FAM13C: variants seen among roughly 807,000 people sequenced by gnomAD.
FAM13C encodes family with sequence similarity 13 member C, also known as protein FAM13C.
Under a neutral mutation model 73.2 loss-of-function variants are expected in FAM13C, and 37 were observed. The observed-to-expected ratio is 0.51, with a 90% CI of 0.39 to 0.67. The LOEUF is 0.67. Among genes scored for constraint, FAM13C ranks in the 30% least tolerant of loss-of-function variants. FAM13C has a pLI of 0.00. For synonymous variants in FAM13C, 246 were observed against 260.9 expected, an observed-to-expected ratio of 0.94 and a Z score of 0.55; for missense variants, 589 against 715.6, an observed-to-expected ratio of 0.82 and a Z score of 2.02.
At chr10:59,262,274 C>T (rs895458548) in intron 10 of FAM13C, among the ~76,000 whole-genome samples, 160 bp downstream of exon 10, 1 of 152,154 alleles carries the variant, frequency 6.6e-6, no homozygotes, top group Admixed American at 6.6e-5. Context: ...TGTGGCACTA[C>T]TGCTCGTGGC....
intron 4 of FAM13C, among the ~76,000 whole-genome samples, chr10:59,314,701 T>A (rs1849320785): frequency 6.6e-6 from 1 of 152,076 alleles, no homozygotes; most frequent in African/African-American, 2.4e-5. Context: ...CACCCCCACT[T>A]AAATGGGTCT....
chr10:59,353,392 T>A (rs1400471540), intron 2 of FAM13C, among the ~76,000 whole-genome samples: 1 of 152,158 alleles, frequency 6.6e-6, no homozygotes, highest in Non-Finnish European at 1.5e-5. Context: ...ATAATCAATA[T>A]CATTAACCTT....
rs960628047 is a variant in FAM13C at position 59,302,881 on chromosome 10, A to C, written c.444-17T>G. 4 of 1,609,582 alleles carry C rather than the reference A, an allele frequency of 2.5e-6. No individual in the cohort carries two copies. Among genetic ancestry groups the C allele is most frequent in the Non-Finnish European group, 3.4e-6 (4 of 1,178,074 alleles). ...TGGTCTATTCTATAAAATACAAAGA[A>C]AAATTATTTCCATTTAAAAGAAACG... On this transcript the variant is annotated splice_polypyrimidine_tract_variant and intron_variant, in intron 4 of 13. Transcript: ENST00000618804.
chr10:59,253,032 T>C (rs1372523167), intron 11 of FAM13C, 34 bp from the exon 12 acceptor site: 24 of 1,605,478 alleles, frequency 1.5e-5, no homozygotes, highest in Non-Finnish European at 2.0e-5. Flanking sequence ...AAGAAAGTCA[T>C]GTAATGCTCA....
intron 4 of FAM13C, among the ~76,000 whole-genome samples, chr10:59,316,727 G>A (rs138909451): frequency 1.2e-3 from 190 of 152,194 alleles, no homozygotes; most frequent in African/African-American, 4.3e-3. Flanking sequence ...GCAAAAATAT[G>A]GTATTTTAAT....
At position 59,352,465 on chromosome 10, in the gene FAM13C, G is replaced by A. The variant is rs373237818; in HGVS notation, c.129C>T (p.Asn43=). ...CTGCGTCGGGGTAGTTCTCTTTATT[G>A]TTTTCATCTCTAAAACAGGAAAGAC... is the stretch of plus-strand genomic sequence containing the variant. The part of the protein sequence containing the change: ...QTDCSSLRDE[N]NKENYPDAGA... Residue 43 remains asparagine, a synonymous_variant, in exon 3 of 14, where the codon AAC becomes AAT. Transcript: ENST00000618804. The A allele has an allele frequency of 3.9e-5, 63 of 1,605,726 alleles. No homozygotes were observed. The highest frequency in any genetic ancestry group is 5.2e-5 in the Non-Finnish European group (61 of 1,176,806).
In FAM13C at chr10:59,333,350, C is replaced by T. The variant is rs374944710; in HGVS notation, c.325-9244G>A. Reference sequence around the variant, plus strand: ...AAAAATACAAAAAATTAGCCGGGCACGGTGGCACATGCCAGTAGTCCCAGC... The same window carrying T: ...AAAAATACAAAAAATTAGCCGGGCATGGTGGCACATGCCAGTAGTCCCAGC... On this transcript the variant is annotated intron_variant, in intron 3 of 13. Transcript: ENST00000618804. Among the ~76,000 whole-genome samples, 48 of 152,010 alleles carry T rather than the reference C, an allele frequency of 3.2e-4. 1 individual carries two copies. The South Asian group carries it at 8.3e-3, about 26-fold the overall frequency.
chr10:59,289,288 T>A (rs914872320), intron 5 of FAM13C, among the ~76,000 whole-genome samples: 5 of 152,094 alleles, frequency 3.3e-5, no homozygotes, highest in African/African-American at 1.2e-4. Context: ...GCAGCCCAGG[T>A]CCTAACAGGC....
intron 1 of FAM13C, among the ~76,000 whole-genome samples, chr10:59,360,524 G>A (rs1856265668): frequency 6.6e-6 from 1 of 152,128 alleles, no homozygotes; most frequent in Admixed American, 6.5e-5. Context: ...CCTTGGTCCT[G>A]AGGGCTATGG....
Position 59,283,363 on chromosome 10 carries a change from C to T in FAM13C, c.592G>A (p.Asp198Asn), listed in dbSNP as rs754794655. Residue 198 changes from aspartate (D) to asparagine (N), a missense_variant and splice_region_variant, in exon 6 of 14, where the codon GAC becomes AAC. Transcript: ENST00000618804. Reference sequence around the variant, plus strand: ...GACAACCCCCAGCCCTGTATCTTACCTGCAGAATCTGTCCCATCGGCAAGC... The same window carrying T: ...GACAACCCCCAGCCCTGTATCTTACTTGCAGAATCTGTCCCATCGGCAAGC... ...SVLADGTDSADPSPVHKDGQN... is the reference protein window; with the variant it reads ...SVLADGTDSANPSPVHKDGQN... 6 of 1,614,130 alleles carry T rather than the reference C, an allele frequency of 3.7e-6. No individual in the cohort carries two copies. In the South Asian group the frequency reaches 6.6e-5, roughly 18 times the overall value.
At chr10:59,296,087 T>A (rs1474394232) in intron 5 of FAM13C, among the ~76,000 whole-genome samples, 1 of 152,158 alleles carries the variant, frequency 6.6e-6, no homozygotes, top group African/African-American at 2.4e-5. Context: ...ATAATACCAT[T>A]CAGTCAGCTC....
rs754719095 is a variant in FAM13C at position 59,265,315 on chromosome 10, GTT to G, written c.943-1151_943-1150del. Among the ~76,000 whole-genome samples the G allele has an allele frequency of 1.3e-4, 9 of 67,050 alleles. 1 individual carries two copies. The highest frequency in any genetic ancestry group is 6.4e-4 in the African/African-American group (8 of 12,546). 44.0% of individuals were successfully genotyped at this position (67,050 alleles called of 152,430 possible). A position where few individuals can be genotyped will look rare whatever the true frequency, so the allele number is the denominator to read the frequency against. On this transcript the variant is annotated intron_variant, in intron 8 of 13. Coordinates refer to ENST00000618804, the MANE Select transcript of FAM13C (RefSeq NM_198215.4). ...GGGATGGCAGAGGGATAGGGAAGGG[GTT>G]TTGGCGGGGGGGGGGGGGAATCCTG...
chr10:59,284,074 T>A (rs1262317554), intron 5 of FAM13C, among the ~76,000 whole-genome samples: 1 of 151,562 alleles, frequency 6.6e-6, no homozygotes, highest in Non-Finnish European at 1.5e-5. Context: ...TTACTTCTCT[T>A]ACATGAGAAC....
At chr10:59,303,992 A>C (rs1847917946) in intron 4 of FAM13C, among the ~76,000 whole-genome samples, 1 of 152,088 alleles carries the variant, frequency 6.6e-6, no homozygotes, top group African/African-American at 2.4e-5. Flanking sequence ...TACTAAAAGT[A>C]CAAAAATTAG....
intron 4 of FAM13C, among the ~76,000 whole-genome samples, chr10:59,315,765 G>A (rs1849457506): frequency 1.3e-5 from 2 of 152,028 alleles, no homozygotes; most frequent in African/African-American, 4.8e-5. Flanking sequence ...ACAAGGAAGG[G>A]GAAGAGATTA....
At chr10:59,314,478 T>C (rs2133955217) in intron 4 of FAM13C, among the ~76,000 whole-genome samples, 2 of 152,352 alleles carry the variant, frequency 1.3e-5, no homozygotes, top group Middle Eastern at 6.8e-3. Context: ...GTCTGCATAC[T>C]GCCAAGGCCT....
At chr10:59,249,567 C>T (rs889743088) in intron 13 of FAM13C, among the ~76,000 whole-genome samples, 1 of 152,144 alleles carries the variant, frequency 6.6e-6, no homozygotes, top group East Asian at 1.9e-4. Context: ...GCATGATTCT[C>T]ATGCCTCTTG....
chr10:59,329,187 T>A (rs918600809), intron 3 of FAM13C, among the ~76,000 whole-genome samples: 10 of 152,122 alleles, frequency 6.6e-5, no homozygotes, highest in Non-Finnish European at 1.0e-4. Context: ...TCTTCAGATC[T>A]ATTTTTAAAA....
At chr10:59,332,323 T>A (rs963275246) in intron 3 of FAM13C, among the ~76,000 whole-genome samples, 3 of 152,172 alleles carry the variant, frequency 2.0e-5, no homozygotes, top group Non-Finnish European at 4.4e-5. Flanking sequence ...CTTAATTGCT[T>A]GAATTGTTTA....
Sources: gnomAD v4.1 joint callset for allele counts (sites outside exome capture counted in the v4.1 genomes callset) on GRCh38, gnomAD v4.1.1 for gene constraint, MANE v1.5 for transcripts, NCBI Gene and HGNC (gene_info 2026-07-23, HGNC 2026-07-21) for gene names.